The following C1QTNF3 variants were observed in gnomAD, a reference collection of about 807,000 sequenced individuals.
The protein encoded by C1QTNF3 is complement C1q tumor necrosis factor-related protein 3.
Under a neutral mutation model 32.6 loss-of-function variants are expected in C1QTNF3, and 26 were observed. The ratio of observed to expected loss-of-function variants is 0.80; its 90% confidence interval spans 0.58 to 1.11. The LOEUF is 1.11. Among genes scored for constraint, C1QTNF3 ranks in the 50% least tolerant of loss-of-function variants. The pLI is 0.00. For missense variants in C1QTNF3, 362 were observed against 398.2 expected, an observed-to-expected ratio of 0.91 and a Z score of 0.77; for synonymous variants, 155 against 146.0, an observed-to-expected ratio of 1.06 and a Z score of -0.44.
chr5:34,137,394 A>T, the C1QTNF3 span, among the ~76,000 whole-genome samples: 1 of 152,160 alleles, frequency 6.6e-6, no homozygotes, highest in Non-Finnish European at 1.5e-5. Flanking sequence ...AAATTCAAGG[A>T]TTGTTACCAC....
the C1QTNF3 span, among the ~76,000 whole-genome samples, chr5:34,217,987 T>A: frequency 6.6e-6 from 1 of 151,674 alleles, no homozygotes; most frequent in Non-Finnish European, 1.5e-5. Context: ...TTACTGTTGT[T>A]AAGTCTCTAT....
At chr5:34,106,955 AC>A in the C1QTNF3 span, among the ~76,000 whole-genome samples, 2 of 99,202 alleles carry the variant, frequency 2.0e-5, no homozygotes, top group Non-Finnish European at 2.0e-5. Flanking sequence ...TTTACACTAA[AC>A]CTAATTTGTT....
the C1QTNF3 span, chr5:34,200,666 T>C: frequency 6.6e-6 from 1 of 152,282 alleles, no homozygotes; most frequent in African/African-American, 2.4e-5. Context: ...ATAATAAAAT[T>C]AAAAAACTTG....
At chr5:34,096,790 A>AT in the C1QTNF3 span, among the ~76,000 whole-genome samples, 1 of 151,922 alleles carries the variant, frequency 6.6e-6, no homozygotes, top group African/African-American at 2.4e-5. Context: ...AATATGATAT[A>AT]TTTCCTCCAA....
At chr5:34,124,019 G>A in the C1QTNF3 span, 5 of 154,724 alleles carry the variant, frequency 3.2e-5, no homozygotes, top group Admixed American at 1.3e-4. Flanking sequence ...TTATAATATC[G>A]TTGATCATAC....
chr5:34,236,565 T>TTTC, the C1QTNF3 span, among the ~76,000 whole-genome samples: 2 of 55,546 alleles, frequency 3.6e-5, no homozygotes, highest in Non-Finnish European at 1.1e-4. Flanking sequence ...TCTTTTTTCT[T>TTTC]TTTTCTTTTT....
At position 34,035,704 on chromosome 5, in the gene C1QTNF3, A is replaced by G; in HGVS notation, c.358T>C (p.Tyr120His). ...GGGCCTTGGTAGCCTCGAAAGCTGT[A>G]GTCTCCATGACAACACTTACTGCAG... ...PDCSKCCHGD[Y>H]SFRGYQGPPG... is the part of the protein sequence containing the mutation. Residue 120 changes from tyrosine (Y) to histidine (H), a missense_variant, in exon 2 of 6, where the codon TAC becomes CAC. Transcript: ENST00000382065. 6 of 1,612,232 alleles carry G rather than the reference A, an allele frequency of 3.7e-6. No homozygotes were observed. Among genetic ancestry groups the G allele is most frequent in the African/African-American group, 1.3e-5 (1 of 74,912 alleles).
the C1QTNF3 span, among the ~76,000 whole-genome samples, chr5:34,088,469 C>A: frequency 1.6e-4 from 25 of 151,854 alleles, no homozygotes; most frequent in African/African-American, 6.0e-4. Context: ...ATAATAGTAT[C>A]TATATTTTAT....
At chr5:34,091,009 T>C in the C1QTNF3 span, among the ~76,000 whole-genome samples, 3 of 152,252 alleles carry the variant, frequency 2.0e-5, no homozygotes, top group Non-Finnish European at 4.4e-5. Flanking sequence ...AATGTAAGAA[T>C]ACCAGATCCT....
At chr5:34,143,518 G>A in the C1QTNF3 span, among the ~76,000 whole-genome samples, 3 of 152,012 alleles carry the variant, frequency 2.0e-5, no homozygotes, top group Admixed American at 6.6e-5. Context: ...AATCTTAAAG[G>A]CTGCCAGAAA....
chr5:34,121,614 T>A, the C1QTNF3 span, among the ~76,000 whole-genome samples: 1 of 152,156 alleles, frequency 6.6e-6, no homozygotes, highest in African/African-American at 2.4e-5. Context: ...GGAGTACAAT[T>A]CAAGATAAGA....
the C1QTNF3 span, among the ~76,000 whole-genome samples, chr5:34,187,653 A>G: frequency 6.6e-6 from 1 of 152,418 alleles, no homozygotes; most frequent in East Asian, 1.9e-4. Flanking sequence ...GAGTCAAAAT[A>G]AGAATTTTTT....
At chr5:34,081,532 A>C in the C1QTNF3 span, among the ~76,000 whole-genome samples, 1 of 151,570 alleles carries the variant, frequency 6.6e-6, no homozygotes, top group African/African-American at 2.4e-5. Flanking sequence ...ATTTTTTGGC[A>C]ACAAAAATTT....
chr5:34,023,927 G>A lies in C1QTNF3; in HGVS notation c.782C>T (p.Thr261Ile), dbSNP rs1754401461. The part of the protein sequence containing the change: ...VYVYLMHNGN[T>I]VFSMYSYEMK... The stretch of plus-strand genomic sequence containing the variant: ...CACCCACCTGTACATGCTGAAGACT[G>A]TGTTGCCATTGTGCATAAGGTACAC... The change falls in exon 5 of 6, where the codon ACA (threonine) becomes ATA (isoleucine). Residue 261 changes from threonine to isoleucine, a missense_variant. Transcript: ENST00000382065. 6.2e-7 allele frequency: 1 copy of A among 1,613,992 alleles called. No homozygotes were observed. Among genetic ancestry groups the A allele is most frequent in the Non-Finnish European group, 8.5e-7 (1 of 1,179,872 alleles).
the C1QTNF3 span, among the ~76,000 whole-genome samples, chr5:34,145,339 T>C: frequency 1.3e-5 from 2 of 151,792 alleles, no homozygotes; most frequent in East Asian, 3.9e-4. Flanking sequence ...TTTTCAGAAA[T>C]ACAAAACATC....
intron 1 of C1QTNF3, among the ~76,000 whole-genome samples, chr5:34,039,128 G>A (rs867800591): frequency 6.6e-6 from 1 of 152,090 alleles, no homozygotes; most frequent in Non-Finnish European, 1.5e-5. Flanking sequence ...TACCTCAAGT[G>A]AGCATGGTTA....
At chr5:34,023,171 G>C (rs1014852863) in intron 5 of C1QTNF3, among the ~76,000 whole-genome samples, 1 of 152,124 alleles carries the variant, frequency 6.6e-6, no homozygotes, top group Non-Finnish European at 1.5e-5. Context: ...CAGTTTTATA[G>C]ACAGCAGAGC....
chr5:34,078,974 T>C, the C1QTNF3 span, among the ~76,000 whole-genome samples: 3 of 151,594 alleles, frequency 2.0e-5, no homozygotes, highest in Admixed American at 6.6e-5. This position sits in a 1 kb window ranked among gnomAD's most constrained non-coding sequence, Gnocchi z 4.0. Flanking sequence ...TCCATCTGCG[T>C]TCATCTATTA....
chr5:34,231,271 T>A, the C1QTNF3 span, among the ~76,000 whole-genome samples: 43,776 of 152,038 alleles, frequency 0.29, 6,684 homozygotes, highest in East Asian at 0.49. Context: ...TGCCATAGTA[T>A]CAATTCTTGT....
Sources: gnomAD v4.1 joint callset for allele counts (sites outside exome capture counted in the v4.1 genomes callset) on GRCh38, gnomAD v4.1.1 for gene constraint, Gnocchi (gnomAD v3.1) non-coding constraint, MANE v1.5 for transcripts, NCBI Gene and HGNC (gene_info 2026-07-23, HGNC 2026-07-21) for gene names.